WWOX: variants seen among roughly 807,000 people sequenced by gnomAD.
WWOX encodes the protein WW domain containing oxidoreductase.
A neutral mutation model predicts 46.2 loss-of-function variants in WWOX; 69 were observed. The ratio of observed to expected loss-of-function variants is 1.49; its 90% CI spans 1.23 to 1.82. The LOEUF (loss-of-function observed/expected upper bound fraction) is 1.82. Among genes scored for constraint, WWOX ranks in the 40% most tolerant of loss-of-function variants. The pLI is 0.00. For synonymous variants in WWOX, 359 were observed against 202.6 expected (o/e 1.77, Z -6.56); for missense variants, 919 against 542.6 (o/e 1.69, Z -6.89).
chr16:78,677,669 C>G lies in WWOX; in HGVS notation c.1056+244917C>G, dbSNP rs188454956. Among the ~76,000 whole-genome samples the G allele has an allele frequency of 7.2e-5, 11 of 152,304 alleles. No homozygotes were observed. The East Asian group carries it at 2.1e-3, about 29-fold the overall frequency. On this transcript the variant is annotated intron_variant, in intron 8 of 8. Coordinates refer to ENST00000566780, the MANE Select transcript of WWOX (RefSeq NM_016373.4). The stretch of plus-strand genomic sequence containing the variant: ...GCATGCATGTGGTGACTTTTTCCAT[C>G]TCTGGTCTCTATCTTATCTCTTGTG...
intron 6 of WWOX, among the ~76,000 whole-genome samples, chr16:78,402,863 A>C (rs2082445269): frequency 6.6e-6 from 1 of 151,240 alleles, no homozygotes; most frequent in Non-Finnish European, 1.5e-5. Context: ...ACAGCTGGTG[A>C]CAGGGGGACC....
chr16:78,336,003 A>T (rs1231935039), intron 5 of WWOX, among the ~76,000 whole-genome samples: 1 of 152,060 alleles, frequency 6.6e-6, no homozygotes, highest in Admixed American at 6.6e-5. Flanking sequence ...GGGGCAGGAG[A>T]ATCGCTTGAA....
intron 8 of WWOX, among the ~76,000 whole-genome samples, chr16:78,742,783 C>T (rs1269659674): frequency 6.6e-6 from 1 of 152,150 alleles, no homozygotes; most frequent in Non-Finnish European, 1.5e-5. Context: ...TCTTTTGTAT[C>T]TGATGTTCTT....
chr16:78,454,776 C>T (rs1567583273), intron 8 of WWOX, among the ~76,000 whole-genome samples: 1 of 152,170 alleles, frequency 6.6e-6, no homozygotes, highest in Non-Finnish European at 1.5e-5. Flanking sequence ...GGATTGCAGG[C>T]TTGAGCCACC....
Position 78,557,689 on chromosome 16 carries a change from A to ATTTTTTTTTTTTTTTTTTTTT in WWOX, c.1056+124940_1056+124960dup, listed in dbSNP as rs34068363. Among the ~76,000 whole-genome samples the ATTTTTTTTTTTTTTTTTTTTT allele has an allele frequency of 1.4e-4, 14 of 96,624 alleles. 3 individuals are homozygous for ATTTTTTTTTTTTTTTTTTTTT. The highest frequency in any genetic ancestry group is 4.7e-4 in the African/African-American group (9 of 19,194). 63.4% of individuals were successfully genotyped at this position (96,624 alleles called of 152,430 possible). On this transcript the variant is annotated intron_variant, in intron 8 of 8. Coordinates refer to ENST00000566780, the MANE Select transcript of WWOX (RefSeq NM_016373.4). Reference sequence around the variant, plus strand: ...CATAAGTGCATTCCTCTAGGGAAGGATTTTTTTTTTTTTTTTTTTTTTTGA... The same window carrying ATTTTTTTTTTTTTTTTTTTTT: ...CATAAGTGCATTCCTCTAGGGAAGGATTTTTTTTTTTTTTTTTTTTTTTTTTTTTTTTTTTTTTTTTTTTGA...
intron 5 of WWOX, among the ~76,000 whole-genome samples, chr16:78,203,119 A>C (rs1407338810): frequency 6.6e-6 from 1 of 152,154 alleles, no homozygotes; most frequent in East Asian, 1.9e-4. Flanking sequence ...GGTCAAGTAA[A>C]GGCCATAAGG....
chr16:78,103,595 G>T (rs1459297322), intron 1 of WWOX, among the ~76,000 whole-genome samples: 1 of 152,110 alleles, frequency 6.6e-6, no homozygotes, highest in Non-Finnish European at 1.5e-5. Flanking sequence ...CTCCTGATCT[G>T]TGAGCATCCT....
intron 8 of WWOX, among the ~76,000 whole-genome samples, chr16:79,116,218 T>C (rs1597389152): frequency 1.3e-5 from 2 of 152,094 alleles, no homozygotes; most frequent in Admixed American, 1.3e-4. Context: ...TTGCTGAAGG[T>C]TGGGGTGGCT....
At chr16:78,601,798 G>A (rs2667542) in intron 8 of WWOX, among the ~76,000 whole-genome samples, 74,353 of 152,032 alleles carry the variant, frequency 0.49, 21,212 homozygotes, top group Admixed American at 0.64. Context: ...TTTTCTCTGC[G>A]GAAGAGTAGG....
At chr16:78,558,505 C>G (rs1391412546) in intron 8 of WWOX, among the ~76,000 whole-genome samples, 11 of 152,258 alleles carry the variant, frequency 7.2e-5, no homozygotes, top group Non-Finnish European at 1.5e-5. Flanking sequence ...GCGGCTGCCC[C>G]TCTTTAGCTG....
chr16:78,862,295 T>C (rs553616194), intron 8 of WWOX, among the ~76,000 whole-genome samples: 1 of 151,096 alleles, frequency 6.6e-6, no homozygotes, highest in African/African-American at 2.4e-5. Context: ...TCTTTCTGTA[T>C]CTATACACAC....
chr16:78,190,490 G>C (rs984447781), intron 5 of WWOX, among the ~76,000 whole-genome samples: 21 of 152,150 alleles, frequency 1.4e-4, no homozygotes, highest in African/African-American at 4.3e-4. Flanking sequence ...GTCTCCAAAG[G>C]CTATGCCTGC....
chr16:78,533,107 A>G (rs1350875470), intron 8 of WWOX, among the ~76,000 whole-genome samples: 1 of 151,774 alleles, frequency 6.6e-6, no homozygotes, highest in African/African-American at 2.4e-5. Context: ...CATCCTCAGA[A>G]CTCCTCCCAG....
At chr16:78,168,350 C>T (rs61747282) in intron 5 of WWOX, 19,849 of 152,180 alleles carry the variant, frequency 0.13, 1,549 homozygotes, top group East Asian at 0.22. Flanking sequence ...GGACAGCTAA[C>T]AGCCCCCATT....
At chr16:78,727,834 C>T (rs1390694848) in intron 8 of WWOX, among the ~76,000 whole-genome samples, 4 of 152,006 alleles carry the variant, frequency 2.6e-5, no homozygotes, top group African/African-American at 4.8e-5. Flanking sequence ...CCTTGCTCTA[C>T]ATCAGTGCTT....
intron 8 of WWOX, among the ~76,000 whole-genome samples, chr16:78,556,667 A>G (rs1012265004): frequency 6.6e-6 from 1 of 152,102 alleles, no homozygotes; most frequent in South Asian, 2.1e-4. Flanking sequence ...TTTGCACAAC[A>G]CTGCTTTGTA....
At chr16:78,992,580 C>G (rs1393793677) in intron 8 of WWOX, among the ~76,000 whole-genome samples, 11 of 152,256 alleles carry the variant, frequency 7.2e-5, no homozygotes, top group African/African-American at 2.6e-4. Flanking sequence ...TTTTATTTTT[C>G]TCTCTCAGAA....
intron 8 of WWOX, among the ~76,000 whole-genome samples, chr16:78,827,336 T>A (rs183597686): frequency 2.0e-5 from 3 of 152,088 alleles, no homozygotes; most frequent in Non-Finnish European, 2.9e-5. Context: ...CACGATGATC[T>A]TGACCATTTT....
intron 8 of WWOX, among the ~76,000 whole-genome samples, chr16:78,661,689 G>T (rs962079500): frequency 1.3e-5 from 2 of 152,132 alleles, no homozygotes; most frequent in African/African-American, 4.8e-5. Context: ...GGGGGGAAAA[G>T]CTTCAGGGAA....
Sources: allele counts gnomAD v4.1 joint callset (sites outside exome capture counted in the v4.1 genomes callset), GRCh38; gene constraint gnomAD v4.1.1; transcripts MANE v1.5; gene names NCBI Gene and HGNC (gene_info 2026-07-23, HGNC 2026-07-21).